The following CDH13 variants were observed in gnomAD, a reference collection of about 807,000 sequenced individuals.
CDH13 encodes the protein cadherin-13.
In CDH13, 24 loss-of-function variants were observed where a neutral mutation model predicts 63.8. The ratio of observed to expected loss-of-function variants is 0.38; its 90% CI spans 0.27 to 0.53. The LOEUF is 0.53. CDH13 is among the 20% of genes least tolerant of loss of function. The pLI, the probability that CDH13 is intolerant of heterozygous loss-of-function variation, is 0.85. For missense variants in CDH13, 1,049 were observed against 903.1 expected (o/e 1.16, Z -2.07); for synonymous variants, 503 against 355.3 (o/e 1.42, Z -4.67).
At chr16:82,656,227 G>C (rs1025287312) in intron 1 of CDH13, among the ~76,000 whole-genome samples, 2 of 151,980 alleles carry the variant, frequency 1.3e-5, no homozygotes, top group African/African-American at 4.8e-5. Context: ...TGGTTCAAAG[G>C]CACAGGGTAG....
At chr16:83,394,224 A>G (rs984260662) in intron 6 of CDH13, among the ~76,000 whole-genome samples, 2 of 152,096 alleles carry the variant, frequency 1.3e-5, no homozygotes, top group South Asian at 2.1e-4. Context: ...AAAACTGCAC[A>G]TGTACCCCTG....
chr16:82,639,419 GC>G (rs1909108702), intron 1 of CDH13: 5 of 1,535,516 alleles, frequency 3.3e-6, no homozygotes, highest in Middle Eastern at 3.3e-4. Context: ...AGTGAGAATG[GC>G]CCACAGATGC....
At chr16:82,816,430 C>T (rs1403003244) in intron 1 of CDH13, among the ~76,000 whole-genome samples, 1 of 152,052 alleles carries the variant, frequency 6.6e-6, no homozygotes, top group African/African-American at 2.4e-5. Context: ...TGGTTTTGTG[C>T]ATGAAGATGG....
intron 2 of CDH13, among the ~76,000 whole-genome samples, chr16:82,906,465 C>G (rs116719944): frequency 6.6e-6 from 1 of 152,058 alleles, no homozygotes; most frequent in Non-Finnish European, 1.5e-5. Flanking sequence ...CTTCCATGTC[C>G]TAAAAGAATA....
chr16:83,177,162 C>G lies in CDH13; in HGVS notation c.484-40183C>G, dbSNP rs146522356. 2.6e-3 allele frequency among the ~76,000 whole-genome samples: 400 copies of G among 152,216 alleles called. 2 individuals are homozygous for G. Among genetic ancestry groups the G allele is most frequent in the African/African-American group, 9.2e-3 (382 of 41,548 alleles). ...TTTAATAGCCACATGTGGCTAGTGG[C>G]TAACATTTTAGACAGCTGTTCTAAG... On this transcript the variant is annotated intron_variant, in intron 4 of 13. Coordinates refer to ENST00000567109, the MANE Select transcript of CDH13 (RefSeq NM_001257.5).
chr16:82,688,821 A>C (rs1455743755), intron 1 of CDH13: 1 of 152,222 alleles, frequency 6.6e-6, no homozygotes, highest in Non-Finnish European at 1.5e-5. Flanking sequence ...TGATTTGGTC[A>C]CCAGGCAGAT....
intron 2 of CDH13, among the ~76,000 whole-genome samples, chr16:82,860,931 T>G (rs1165914157): frequency 1.3e-5 from 2 of 152,170 alleles, no homozygotes. Flanking sequence ...CCCCTCTCTC[T>G]CATTCTCAGT....
chr16:82,885,534 T>G (rs1167328972), intron 2 of CDH13, among the ~76,000 whole-genome samples: 4 of 150,322 alleles, frequency 2.7e-5, no homozygotes, highest in Non-Finnish European at 5.9e-5. Context: ...CATCCATCCA[T>G]CCATCCATCC....
At chr16:82,779,809 G>A (rs960866534) in intron 1 of CDH13, among the ~76,000 whole-genome samples, 9 of 152,072 alleles carry the variant, frequency 5.9e-5, no homozygotes, top group African/African-American at 1.9e-4. Flanking sequence ...TTTGGAAGTC[G>A]AGGGAGATGA....
chr16:83,143,055 G>C (rs757341730), intron 4 of CDH13, among the ~76,000 whole-genome samples: 25 of 152,172 alleles, frequency 1.6e-4, no homozygotes, highest in Non-Finnish European at 2.9e-4. Flanking sequence ...CATAAGCCAA[G>C]ATCGTGCCGT....
chr16:83,344,753 C>G lies in CDH13; in HGVS notation c.637-109C>G, dbSNP rs1344170046. The G allele has an allele frequency of 5.9e-6, 7 of 1,190,730 alleles. No individual in the cohort carries two copies. In the African/African-American group the frequency reaches 1.1e-4, roughly 18 times the overall value. 73.8% of individuals were successfully genotyped at this position (1,190,730 alleles called of 1,614,324 possible). A position where few individuals can be genotyped will look rare whatever the true frequency, so the allele number is the denominator to read the frequency against. ...TCTGAGACCAAAATTTCAATATTGCCAAGGGCTCATAAAATTGTCGATATA... is the reference window on the plus strand; with the variant it reads ...TCTGAGACCAAAATTTCAATATTGCGAAGGGCTCATAAAATTGTCGATATA... On this transcript the variant is annotated intron_variant, in intron 5 of 13. Transcript: ENST00000567109.
chr16:82,972,257 G>A (rs1048570420), intron 2 of CDH13, among the ~76,000 whole-genome samples: 3 of 152,140 alleles, frequency 2.0e-5, no homozygotes, highest in Admixed American at 6.5e-5. Flanking sequence ...ATAGAGAAAC[G>A]GCCTGGGCAG....
chr16:82,665,214 G>A (rs1052343915), intron 1 of CDH13, among the ~76,000 whole-genome samples: 1 of 152,122 alleles, frequency 6.6e-6, no homozygotes, highest in African/African-American at 2.4e-5. Flanking sequence ...CAATTTTGCT[G>A]TCAAAATGGC....
intron 8 of CDH13, among the ~76,000 whole-genome samples, chr16:83,615,897 C>T (rs1909240955): frequency 6.6e-6 from 1 of 152,194 alleles, no homozygotes; most frequent in Non-Finnish European, 1.5e-5. Context: ...CATTTATCTT[C>T]ACTTGAAAGG....
chr16:82,936,045 C>T (rs1045055667), intron 2 of CDH13, among the ~76,000 whole-genome samples: 11 of 152,172 alleles, frequency 7.2e-5, no homozygotes, highest in African/African-American at 2.4e-4. Context: ...GTCACCCCAC[C>T]CTAATCTTAT....
At chr16:82,654,617 T>G (rs1324333107) in intron 1 of CDH13, among the ~76,000 whole-genome samples, 3 of 152,194 alleles carry the variant, frequency 2.0e-5, no homozygotes, top group African/African-American at 7.2e-5. Flanking sequence ...CTGGACAATT[T>G]AATACCATTT....
chr16:82,764,643 A>G (rs1223177618), intron 1 of CDH13, among the ~76,000 whole-genome samples: 2 of 152,218 alleles, frequency 1.3e-5, no homozygotes, highest in Admixed American at 6.5e-5. Context: ...TGCTCAATAA[A>G]CGTGTGTTGA....
At chr16:82,814,909 G>A (rs377446431) in intron 1 of CDH13, among the ~76,000 whole-genome samples, 6 of 152,188 alleles carry the variant, frequency 3.9e-5, no homozygotes, top group East Asian at 1.9e-4. Context: ...AGGATTACCC[G>A]CTGGTGTCCA....
At chr16:83,691,561 C>A (rs933458941) in intron 10 of CDH13, among the ~76,000 whole-genome samples, 5 of 151,972 alleles carry the variant, frequency 3.3e-5, no homozygotes, top group African/African-American at 4.8e-5. Context: ...TGGCTCACAC[C>A]CACCTGGCAC....
Sources: gnomAD v4.1 joint callset for allele counts (sites outside exome capture counted in the v4.1 genomes callset) on GRCh38, gnomAD v4.1.1 for gene constraint, MANE v1.5 for transcripts, NCBI Gene and HGNC (gene_info 2026-07-23, HGNC 2026-07-21) for gene names.